The following FLT1 variants were observed in gnomAD, a reference collection of about 807,000 sequenced individuals.
FLT1 encodes fms related receptor tyrosine kinase 1.
In FLT1, 49 loss-of-function variants were observed where a neutral mutation model predicts 156.3. The ratio of observed to expected loss-of-function variants is 0.31; its 90% CI spans 0.25 to 0.40. FLT1 has a LOEUF of 0.40. Ranked by LOEUF, FLT1 falls within the 10% of genes least tolerant of loss-of-function variation. The pLI, the probability that FLT1 is intolerant of heterozygous loss-of-function variation, is 1.00. For missense variants in FLT1, 1,322 were observed against 1,637.2 expected, an observed-to-expected ratio of 0.81 and a Z score of 3.32; for synonymous variants, 594 against 583.8, an observed-to-expected ratio of 1.02 and a Z score of -0.25.
At chr13:28,455,745 A>C (rs896931065) in intron 3 of FLT1, among the ~76,000 whole-genome samples, 3 of 152,266 alleles carry the variant, frequency 2.0e-5, no homozygotes, top group Non-Finnish European at 4.4e-5. Context: ...CAGCTGAAAA[A>C]AGAATTGTTT....
intron 1 of FLT1, among the ~76,000 whole-genome samples, chr13:28,486,578 C>G (rs1023450542): frequency 6.6e-6 from 1 of 152,172 alleles, no homozygotes; most frequent in Non-Finnish European, 1.5e-5. Flanking sequence ...CAGCATAAGG[C>G]AGAAGCATAA....
At position 28,388,886 on chromosome 13, in the gene FLT1, A is replaced by T. The variant is rs151132217; in HGVS notation, c.1969+910T>A. 314 of 1,064,126 alleles carry T rather than the reference A, an allele frequency of 3.0e-4. 2 individuals are homozygous for T. In the East Asian group the frequency reaches 0.016, roughly 53 times the overall value. The allele number at this position is 1,064,126 out of a possible 1,614,324, so 65.9% of individuals were successfully genotyped here. A position where few individuals can be genotyped will look rare whatever the true frequency, so the allele number is the denominator to read the frequency against. Reference sequence around the variant, plus strand: ...CAGGAATATTTAAAATTAAGGCATGATCCACTTTCTTTCAGCTGCCATCAA... The same window carrying T: ...CAGGAATATTTAAAATTAAGGCATGTTCCACTTTCTTTCAGCTGCCATCAA... On this transcript the variant is annotated intron_variant, in intron 13 of 29. Transcript: ENST00000282397.
intron 10 of FLT1, among the ~76,000 whole-genome samples, chr13:28,413,462 C>T (rs1360131143): frequency 2.0e-5 from 3 of 151,750 alleles, no homozygotes; most frequent in Admixed American, 6.6e-5. Flanking sequence ...TGGCCCCGCA[C>T]TGGGGTAACT....
chr13:28,308,991 G>GA, intron 27 of FLT1, 64 bp from the exon 28 acceptor site: 1 of 915,536 alleles, frequency 1.1e-6, no homozygotes, highest in South Asian at 1.3e-5. Flanking sequence ...TGAGTCAGGA[G>GA]ACCACAGGCA....
At chr13:28,343,161 T>G (rs1872409579) in intron 16 of FLT1, among the ~76,000 whole-genome samples, 1 of 152,156 alleles carries the variant, frequency 6.6e-6, no homozygotes, top group South Asian at 2.1e-4. Flanking sequence ...TTTTGTATTT[T>G]TAGTAGAGAC....
chr13:28,335,123 A>AACCT (rs1450546071), intron 17 of FLT1, among the ~76,000 whole-genome samples: 2 of 152,122 alleles, frequency 1.3e-5, no homozygotes, highest in African/African-American at 2.4e-5. Flanking sequence ...TATATCAGGG[A>AACCT]ACCTCCTTTT....
rs371379944 is a variant in FLT1 at position 28,403,613 on chromosome 13, G to A, written c.1551+2167C>T. Among the ~76,000 whole-genome samples, 3 of 152,200 alleles carry A rather than the reference G, an allele frequency of 2.0e-5. No homozygotes were observed. In the East Asian group the frequency reaches 5.8e-4, roughly 29 times the overall value. Reference sequence around the variant, plus strand: ...TTGTGTTAATATCCGGCAGTTAACAGTACATCCTCCTGACATGGTCAGGAA... The same window carrying A: ...TTGTGTTAATATCCGGCAGTTAACAATACATCCTCCTGACATGGTCAGGAA... On this transcript the variant is annotated intron_variant, in intron 11 of 29. Transcript: ENST00000282397.
chr13:28,322,700 T>G lies in FLT1; in HGVS notation c.2953+90A>C. 1.7e-6 allele frequency: 2 copies of G among 1,155,002 alleles called. No individual in the cohort carries two copies. The allele number at this position is 1,155,002 out of a possible 1,614,324, so 71.5% of individuals were successfully genotyped here. A position where few individuals can be genotyped will look rare whatever the true frequency, so the allele number is the denominator to read the frequency against. ...ATTCGAGTCTCCCACGGATGTTTAT[T>G]AGAGTGATAAATAAGAAAAAAATTT... On this transcript the variant is annotated intron_variant, in intron 21 of 29. Transcript: ENST00000282397. This position sits in a 1 kb window ranked among gnomAD's most constrained non-coding sequence, Gnocchi z 4.3.
chr13:28,383,915 T>G (rs905132499), intron 14 of FLT1, among the ~76,000 whole-genome samples: 7 of 152,200 alleles, frequency 4.6e-5, no homozygotes, highest in Non-Finnish European at 1.0e-4. Flanking sequence ...GCAAATACCA[T>G]GTCATACCAT....
chr13:28,458,051 C>G (rs1879365378), intron 3 of FLT1, among the ~76,000 whole-genome samples: 1 of 150,658 alleles, frequency 6.6e-6, no homozygotes, highest in Admixed American at 6.7e-5. Context: ...TCTCCTGCCT[C>G]AGCCTCCCGA....
intron 28 of FLT1, among the ~76,000 whole-genome samples, chr13:28,307,354 C>A (rs1391245828): frequency 6.6e-6 from 1 of 152,172 alleles, no homozygotes; most frequent in African/African-American, 2.4e-5. Context: ...TTTGTTCCTG[C>A]CACCCTTTAA....
intron 1 of FLT1, among the ~76,000 whole-genome samples, chr13:28,486,562 A>G (rs1881179826): frequency 6.6e-6 from 1 of 152,122 alleles, no homozygotes; most frequent in Non-Finnish European, 1.5e-5. Context: ...AAGACTGAGC[A>G]CTCCACAGCA....
intron 3 of FLT1, among the ~76,000 whole-genome samples, chr13:28,463,897 A>G (rs1190201398): frequency 2.6e-5 from 4 of 152,214 alleles, no homozygotes; most frequent in Admixed American, 2.0e-4. Flanking sequence ...GGACTTTAAT[A>G]AGGTGTGATT....
At chr13:28,474,466 A>G (rs189312810) in intron 1 of FLT1, among the ~76,000 whole-genome samples, 3,091 of 150,518 alleles carry the variant, frequency 0.021, 44 homozygotes, top group Non-Finnish European at 0.031. Flanking sequence ...ACAAAACAAA[A>G]CAAAACAAAA....
chr13:28,480,778 T>A (rs1593843273), intron 1 of FLT1, among the ~76,000 whole-genome samples: 1 of 152,188 alleles, frequency 6.6e-6, no homozygotes, highest in Non-Finnish European at 1.5e-5. Context: ...ATATTTTTTG[T>A]CTGGGGTCTA....
At position 28,322,224 on chromosome 13, in the gene FLT1, C is replaced by A; in HGVS notation, c.3051+38G>T. 8.3e-7 allele frequency: 1 copy of A among 1,205,434 alleles called. No homozygotes were observed. The highest frequency in any genetic ancestry group is 2.3e-5 in the East Asian group (1 of 43,062). The allele number at this position is 1,205,434 out of a possible 1,614,324, so 74.7% of individuals were successfully genotyped here. A position where few individuals can be genotyped will look rare whatever the true frequency, so the allele number is the denominator to read the frequency against. On this transcript the variant is annotated intron_variant, in intron 22 of 29. Transcript: ENST00000282397. The surrounding 1 kb of genome is among the most constrained non-coding windows in gnomAD (Gnocchi z 4.3). Reference sequence around the variant, plus strand: ...TTTATAGCAAAGGTGTGTGTCCAGCCCTGGCAGAGAAGAAAAACAGTAAAC... The same window carrying A: ...TTTATAGCAAAGGTGTGTGTCCAGCACTGGCAGAGAAGAAAAACAGTAAAC...
At chr13:28,391,564 C>T (rs982895615) in intron 12 of FLT1, among the ~76,000 whole-genome samples, 2 of 152,234 alleles carry the variant, frequency 1.3e-5, no homozygotes, top group Admixed American at 1.3e-4. Context: ...CTCATGTCTC[C>T]TTGAAATGTA....
At chr13:28,317,475 A>G in intron 25 of FLT1, 23 bp downstream of exon 25, 1 of 1,467,154 alleles carries the variant, frequency 6.8e-7, no homozygotes, top group Non-Finnish European at 9.6e-7. Context: ...TCAGATGGGG[A>G]GCAGAGGGCA....
chr13:28,474,485 G>GACACACACACACACAC (rs57021123), intron 1 of FLT1, among the ~76,000 whole-genome samples: 9 of 112,468 alleles, frequency 8.0e-5, no homozygotes, highest in African/African-American at 3.5e-4. Flanking sequence ...AACAACCACA[G>GACACACACACACACAC]ACACACACAC....
Sources: gnomAD v4.1 joint callset for allele counts (sites outside exome capture counted in the v4.1 genomes callset) on GRCh38, gnomAD v4.1.1 for gene constraint, Gnocchi (gnomAD v3.1) non-coding constraint, MANE v1.5 for transcripts, NCBI Gene and HGNC (gene_info 2026-07-23, HGNC 2026-07-21) for gene names.